PCDH15: variants seen among roughly 807,000 people sequenced by gnomAD.
PCDH15 encodes the protein protocadherin-15.
Under a neutral mutation model 178.5 loss-of-function variants are expected in PCDH15, and 129 were observed. That is an observed-to-expected ratio of 0.72 (90% confidence interval 0.63 to 0.84). PCDH15 has a LOEUF of 0.84. Ranked by LOEUF, PCDH15 falls within the 40% of genes least tolerant of loss-of-function variation. PCDH15 has a pLI of 0.00. For synonymous variants in PCDH15, 800 were observed against 732.0 expected, an observed-to-expected ratio of 1.09 and a Z score of -1.50; for missense variants, 2,230 against 2,099.9, an observed-to-expected ratio of 1.06 and a Z score of -1.21.
chr10:55,220,726 T>A (rs968486093), intron 1 of PCDH15, among the ~76,000 whole-genome samples: 3 of 152,082 alleles, frequency 2.0e-5, no homozygotes, highest in Admixed American at 6.5e-5. Context: ...ATACACAATC[T>A]GTTGTTGACA....
intron 2 of PCDH15, among the ~76,000 whole-genome samples, chr10:55,086,860 T>C (rs983366654): frequency 6.6e-6 from 1 of 152,112 alleles, no homozygotes; most frequent in African/African-American, 2.4e-5. Flanking sequence ...TTTCTGATTT[T>C]GGTGGCTGTT....
chr10:54,117,437 A>G (rs2095135154), intron 15 of PCDH15, among the ~76,000 whole-genome samples: 1 of 152,162 alleles, frequency 6.6e-6, no homozygotes, highest in Admixed American at 6.5e-5. Context: ...TCTGGGTTCC[A>G]TAAAGGGCCA....
intron 2 of PCDH15, chr10:54,654,894 T>G (rs2094341424): frequency 6.6e-6 from 1 of 152,144 alleles, no homozygotes; most frequent in Admixed American, 6.5e-5. Context: ...CTTTTCTTTC[T>G]TTTCCCTGTC....
chr10:54,340,457 T>C (rs1009499925), intron 6 of PCDH15, among the ~76,000 whole-genome samples: 3 of 152,186 alleles, frequency 2.0e-5, no homozygotes, highest in Admixed American at 6.5e-5. Flanking sequence ...CAAACATTTT[T>C]GGTAAACAGC....
intron 14 of PCDH15, 77 bp from the exon 15 acceptor site, chr10:54,133,084 T>C (rs1039514619): frequency 2.5e-6 from 4 of 1,598,450 alleles, no homozygotes; most frequent in African/African-American, 2.7e-5. Context: ...GTTTATTCAG[T>C]TGTTGGGTTT....
intron 2 of PCDH15, among the ~76,000 whole-genome samples, chr10:54,922,214 T>C (rs193015557): frequency 6.6e-6 from 1 of 152,184 alleles, no homozygotes; most frequent in Non-Finnish European, 1.5e-5. Flanking sequence ...TCTTGACTCA[T>C]TACAGCATTA....
intron 23 of PCDH15, among the ~76,000 whole-genome samples, chr10:53,945,523 C>G (rs1454325837): frequency 6.6e-6 from 1 of 151,988 alleles, no homozygotes; most frequent in Non-Finnish European, 1.5e-5. Context: ...ATTCTTCTAA[C>G]AGAAATTTTG....
chr10:54,126,316 C>G (rs1290843001), intron 15 of PCDH15, among the ~76,000 whole-genome samples: 1 of 151,876 alleles, frequency 6.6e-6, no homozygotes, highest in Non-Finnish European at 1.5e-5. Flanking sequence ...GGTAATCCAA[C>G]CCCTCAGCCT....
At chr10:55,161,174 A>T (rs1339834495) in intron 2 of PCDH15, among the ~76,000 whole-genome samples, 1 of 152,100 alleles carries the variant, frequency 6.6e-6, no homozygotes, top group African/African-American at 2.4e-5. Flanking sequence ...ATGGGTACCA[A>T]GGCTGAAAGA....
At chr10:53,927,254 ATAATAAG>A (rs1564790274) in intron 25 of PCDH15, among the ~76,000 whole-genome samples, 1 of 152,140 alleles carries the variant, frequency 6.6e-6, no homozygotes, top group Non-Finnish European at 1.5e-5. Flanking sequence ...GTTGTCAAAG[ATAATAAG>A]TAATATCTAA....
chr10:53,984,443 C>A (rs1296030194), intron 21 of PCDH15, among the ~76,000 whole-genome samples: 1 of 152,118 alleles, frequency 6.6e-6, no homozygotes, highest in Non-Finnish European at 1.5e-5. Flanking sequence ...AGCCACCGTG[C>A]CTGGCCTTAC....
chr10:54,826,275 A>G (rs1048427525), intron 3 of PCDH15, among the ~76,000 whole-genome samples: 1 of 152,022 alleles, frequency 6.6e-6, no homozygotes, highest in African/African-American at 2.4e-5. Context: ...ATATCTGGAA[A>G]TTTTCAATCA....
intron 19 of PCDH15, among the ~76,000 whole-genome samples, chr10:54,020,624 C>T (rs1301910070): frequency 5.3e-5 from 8 of 150,490 alleles, no homozygotes; most frequent in African/African-American, 2.0e-4. Flanking sequence ...AAGATGGAGG[C>T]AGGGAGGAAA....
At chr10:54,016,010 A>C (rs2135228409) in intron 20 of PCDH15, among the ~76,000 whole-genome samples, 1 of 152,306 alleles carries the variant, frequency 6.6e-6, no homozygotes, top group East Asian at 1.9e-4. Context: ...AAATGCTTAC[A>C]AACTACGCAT....
intron 2 of PCDH15, among the ~76,000 whole-genome samples, chr10:55,492,633 A>G (rs1359333430): frequency 6.6e-6 from 1 of 151,740 alleles, no homozygotes; most frequent in Non-Finnish European, 1.5e-5. Context: ...GTAAGACCTA[A>G]TATTTTCTAT....
At chr10:54,280,606 T>C (rs1338193458) in intron 8 of PCDH15, among the ~76,000 whole-genome samples, 1 of 151,836 alleles carries the variant, frequency 6.6e-6, no homozygotes, top group Admixed American at 6.6e-5. Context: ...TGCCTATATA[T>C]TACCTTCACA....
chr10:54,774,701 T>A (rs1212788320), intron 1 of PCDH15, among the ~76,000 whole-genome samples: 1 of 152,190 alleles, frequency 6.6e-6, no homozygotes, highest in Non-Finnish European at 1.5e-5. Context: ...TCATTTAAAT[T>A]CCAGTAGTAG....
chr10:54,557,711 C>T (rs752021857), intron 2 of PCDH15, among the ~76,000 whole-genome samples: 2 of 152,024 alleles, frequency 1.3e-5, no homozygotes, highest in Non-Finnish European at 2.9e-5. Flanking sequence ...AGGCATTTTA[C>T]AGGAGGAAAG....
chr10:55,304,891 A>G (rs1047870533), intron 1 of PCDH15, among the ~76,000 whole-genome samples: 6 of 152,240 alleles, frequency 3.9e-5, no homozygotes, highest in Non-Finnish European at 7.3e-5. Flanking sequence ...GAAAACTAAT[A>G]TCAATTCTAA....
Sources: gnomAD v4.1 joint callset for allele counts (sites outside exome capture counted in the v4.1 genomes callset) on GRCh38, gnomAD v4.1.1 for gene constraint, MANE v1.5 for transcripts, NCBI Gene and HGNC (gene_info 2026-07-23, HGNC 2026-07-21) for gene names.